The following GFOD1 variants were observed in gnomAD, a reference collection of about 807,000 sequenced individuals.
The protein encoded by GFOD1 is glucose-fructose oxidoreductase domain-containing protein 1.
GFOD1 carries 9 observed loss-of-function variants against 25.4 expected under a neutral mutation model. That is an observed-to-expected ratio of 0.35 (90% CI 0.21 to 0.62). The LOEUF (loss-of-function observed/expected upper bound fraction) is 0.62, where lower values mean the gene tolerates loss of function less well. GFOD1 is among the 20% of genes least tolerant of loss of function. The probability of loss-of-function intolerance (pLI) is 0.72; values close to 1 mark genes in which losing one functional copy is unlikely to be tolerated. For synonymous variants in GFOD1, 253 were observed against 245.6 expected, an observed-to-expected ratio of 1.03 and a Z score of -0.28; for missense variants, 403 against 556.9, an observed-to-expected ratio of 0.72 and a Z score of 2.78.
intron 1 of GFOD1, chr6:13,486,257 C>CCCACACACACA (rs1554207083): frequency 3.6e-6 from 1 of 276,728 alleles, no homozygotes; most frequent in Admixed American, 6.8e-5. Context: ...TCCCCCCCCC[C>CCCACACACACA]CACACACACA....
intron 1 of GFOD1, among the ~76,000 whole-genome samples, chr6:13,373,859 CCT>C (rs1419495781): frequency 6.6e-6 from 1 of 151,564 alleles, no homozygotes. Context: ...CTCACTCTTC[CCT>C]CTGTCCCTTC....
intron 1 of GFOD1, among the ~76,000 whole-genome samples, chr6:13,422,503 CT>C (rs1378038706): frequency 1.3e-5 from 2 of 152,202 alleles, no homozygotes; most frequent in Non-Finnish European, 2.9e-5. Flanking sequence ...CACTTTCCTG[CT>C]TATTCAATTT....
chr6:13,411,212 C>G (rs1029402721), intron 1 of GFOD1, among the ~76,000 whole-genome samples: 1 of 152,236 alleles, frequency 6.6e-6, no homozygotes, highest in Non-Finnish European at 1.5e-5. Context: ...GGCTCCAAAC[C>G]CTGACTGAAT....
intron 1 of GFOD1, among the ~76,000 whole-genome samples, chr6:13,459,136 G>A (rs1202489373): frequency 1.3e-5 from 2 of 152,140 alleles, no homozygotes; most frequent in African/African-American, 4.8e-5. Context: ...AGAGCTTGCA[G>A]TGGTACTGGC....
rs1308969006 is a variant in GFOD1 at position 13,415,698 on chromosome 6, A to C, written c.254-50036T>G. 2.0e-5 allele frequency among the ~76,000 whole-genome samples: 3 copies of C among 152,188 alleles called. No individual in the cohort carries two copies. In the East Asian group the frequency reaches 5.8e-4, roughly 29 times the overall value. On this transcript the variant is annotated intron_variant, in intron 1 of 1. Coordinates refer to ENST00000379287, the MANE Select transcript of GFOD1 (RefSeq NM_018988.4). Reference sequence around the variant, plus strand: ...AGCTGACCTCTTCAATGGTCCACTTACTCATCAGATGGATACGTAGAAATG... The same window carrying C: ...AGCTGACCTCTTCAATGGTCCACTTCCTCATCAGATGGATACGTAGAAATG...
chr6:13,358,694 G>T lies in GFOD1; in HGVS notation c.*6049C>A, dbSNP rs2127552953. On this transcript the variant is annotated 3_prime_UTR_variant, in exon 2 of 2. Transcript: ENST00000379287. Reference sequence around the variant, plus strand: ...ATTCAACAGCTTAGCCCTTGTGGTGGCTGCAGGGGACAGTAGAGACCTGGA... The same window carrying T: ...ATTCAACAGCTTAGCCCTTGTGGTGTCTGCAGGGGACAGTAGAGACCTGGA... 6.6e-6 allele frequency: 1 copy of T among 152,428 alleles called. No homozygotes were observed. Among genetic ancestry groups the T allele is most frequent in the South Asian group, 2.1e-4 (1 of 4,830 alleles). The allele number at this position is 152,428 out of a possible 1,614,324, so 9.4% of individuals were successfully genotyped here.
chr6:13,374,272 T>TG (rs758114068), intron 1 of GFOD1, among the ~76,000 whole-genome samples: 2,451 of 118,434 alleles, frequency 0.021, 20 homozygotes, highest in African/African-American at 0.033. Context: ...ATGTTTTTTT[T>TG]TTGTGTGTGT....
chr6:13,387,089 C>G (rs1785490225), intron 1 of GFOD1, among the ~76,000 whole-genome samples: 1 of 152,164 alleles, frequency 6.6e-6, no homozygotes, highest in Non-Finnish European at 1.5e-5. Flanking sequence ...ATTTTAAACA[C>G]TCAGTTACAT....
intron 1 of GFOD1, among the ~76,000 whole-genome samples, chr6:13,382,476 C>T (rs1281534391): frequency 2.6e-5 from 4 of 152,078 alleles, no homozygotes; most frequent in Non-Finnish European, 5.9e-5. Flanking sequence ...TGTGACTTTG[C>T]TTCTCCTTCA....
At chr6:13,382,210 A>C (rs1485800268) in intron 1 of GFOD1, among the ~76,000 whole-genome samples, 1 of 152,160 alleles carries the variant, frequency 6.6e-6, no homozygotes, top group Non-Finnish European at 1.5e-5. Flanking sequence ...GCAATCTGGC[A>C]GCCAGTCAAA....
At chr6:13,458,971 C>T (rs1465297371) in intron 1 of GFOD1, among the ~76,000 whole-genome samples, 1 of 152,080 alleles carries the variant, frequency 6.6e-6, no homozygotes, top group Non-Finnish European at 1.5e-5. Flanking sequence ...AGATTTTGTC[C>T]TATCTTGCTG....
At chr6:13,373,793 T>G (rs1180523484) in intron 1 of GFOD1, among the ~76,000 whole-genome samples, 1 of 127,512 alleles carries the variant, frequency 7.8e-6, no homozygotes, top group African/African-American at 3.0e-5. Flanking sequence ...TTTTTTTTTT[T>G]GAAGTTAGAA....
intron 1 of GFOD1, among the ~76,000 whole-genome samples, chr6:13,447,151 T>G (rs1056701482): frequency 6.6e-6 from 1 of 152,220 alleles, no homozygotes; most frequent in African/African-American, 2.4e-5. Flanking sequence ...AACAGAGTTA[T>G]TGTCTTAGAT....
At chr6:13,465,670 T>C (rs1463032584) in intron 1 of GFOD1, among the ~76,000 whole-genome samples, 1 of 152,158 alleles carries the variant, frequency 6.6e-6, no homozygotes, top group African/African-American at 2.4e-5. Context: ...TCCTAACTCA[T>C]AGTCAAGCCT....
intron 1 of GFOD1, among the ~76,000 whole-genome samples, chr6:13,444,207 G>A (rs1038794565): frequency 7.9e-5 from 12 of 152,052 alleles, no homozygotes; most frequent in African/African-American, 2.4e-4. Flanking sequence ...TGTATTTTGC[G>A]GGAACATGGA....
intron 1 of GFOD1, among the ~76,000 whole-genome samples, chr6:13,424,355 G>T (rs1786314206): frequency 6.6e-6 from 1 of 152,170 alleles, no homozygotes; most frequent in Admixed American, 6.5e-5. Context: ...TGATGATGAT[G>T]ATGATGATGG....
intron 1 of GFOD1, among the ~76,000 whole-genome samples, chr6:13,368,427 T>G (rs1785087888): frequency 6.6e-6 from 1 of 152,214 alleles, no homozygotes; most frequent in South Asian, 2.1e-4. Flanking sequence ...CACACACCTG[T>G]GTAACATTAT....
chr6:13,405,577 T>C (rs963262202), intron 1 of GFOD1, among the ~76,000 whole-genome samples: 5 of 152,116 alleles, frequency 3.3e-5, no homozygotes, highest in African/African-American at 1.2e-4. Context: ...TCATCCAATA[T>C]GAGGCCTTGA....
At position 13,486,947 on chromosome 6, in the gene GFOD1, A is replaced by G; in HGVS notation, c.-57T>C. Reference sequence around the variant, plus strand: ...CTCGGATCTCCAGTCCAACGCGCGCACACACCCACCTCTAGCCAGTCCTGC... The same window carrying G: ...CTCGGATCTCCAGTCCAACGCGCGCGCACACCCACCTCTAGCCAGTCCTGC... On this transcript the variant is annotated 5_prime_UTR_variant, in exon 1 of 2. Transcript: ENST00000379287. 3.2e-6 allele frequency: 5 copies of G among 1,572,064 alleles called. No individual in the cohort carries two copies. Among genetic ancestry groups the G allele is most frequent in the Non-Finnish European group, 4.3e-6 (5 of 1,164,910 alleles).
Sources: gnomAD v4.1 joint callset for allele counts (sites outside exome capture counted in the v4.1 genomes callset) on GRCh38, gnomAD v4.1.1 for gene constraint, MANE v1.5 for transcripts, NCBI Gene and HGNC (gene_info 2026-07-23, HGNC 2026-07-21) for gene names.